FAAH2: variants seen among roughly 807,000 people sequenced by gnomAD.
The protein encoded by FAAH2 is fatty-acid amide hydrolase 2.
In FAAH2, 60 loss-of-function variants were observed where a neutral mutation model predicts 36.9. The observed-to-expected ratio is 1.63, with a 90% CI of 1.32 to 2.02. The LOEUF (loss-of-function observed/expected upper bound fraction) is 2.02, where lower values mean the gene tolerates loss of function less well. Ranked by LOEUF, FAAH2 falls within the 30% of genes most tolerant of loss-of-function variation. FAAH2 has a pLI of 0.00. For synonymous variants in FAAH2, 214 were observed against 143.8 expected (o/e 1.49, Z -3.49); for missense variants, 689 against 397.5 (o/e 1.73, Z -6.23).
chrX:57,483,416 G>A (rs1031560553), intron 10 of FAAH2, among the ~76,000 whole-genome samples: 26 of 110,233 alleles, frequency 2.4e-4, no homozygotes, highest in Non-Finnish European at 4.2e-4. Flanking sequence ...ATCCTGAATT[G>A]CCCTCATATT....
chrX:57,409,364 A>AT (rs1405009393), intron 7 of FAAH2, among the ~76,000 whole-genome samples: 1 of 111,020 alleles, frequency 9.0e-6, no homozygotes, highest in East Asian at 2.8e-4. Context: ...CTGTAATTTT[A>AT]TTTTTTATCT....
At chrX:57,135,893 T>C in the FAAH2 span, 4 of 1,209,650 alleles carry the variant, frequency 3.3e-6, no homozygotes, top group Non-Finnish European at 4.5e-6. Flanking sequence ...ACACAGAGGG[T>C]TTGGTTTCCA....
the FAAH2 span, among the ~76,000 whole-genome samples, chrX:57,272,095 C>T: frequency 9.4e-6 from 1 of 106,337 alleles, no homozygotes; most frequent in Non-Finnish European, 1.9e-5. Context: ...AGCATGAGAA[C>T]GTGAAGAATA....
chrX:57,442,196 G>T (rs936428792), intron 8 of FAAH2, among the ~76,000 whole-genome samples: 1 of 110,915 alleles, frequency 9.0e-6, no homozygotes, highest in African/African-American at 3.3e-5. Context: ...TCTGTCTAAT[G>T]TTGAGAGTGG....
intron 3 of FAAH2, among the ~76,000 whole-genome samples, chrX:57,326,149 TTGAG>T (rs2053208260): frequency 1.2e-5 from 1 of 84,077 alleles, no homozygotes; most frequent in South Asian, 7.0e-4. Flanking sequence ...TTGAGGGGTT[TTGAG>T]TGAGTTTCTT....
At chrX:57,282,568 G>A (rs1284140437), upstream of FAAH2, among the ~76,000 whole-genome samples, 1 of 112,090 alleles carries the variant, frequency 8.9e-6, no homozygotes, top group Non-Finnish European at 1.9e-5. Flanking sequence ...CAACTGTAGT[G>A]TAATATGAGT....
intron 5 of FAAH2, among the ~76,000 whole-genome samples, chrX:57,365,737 G>T (rs1457117302): frequency 8.9e-6 from 1 of 111,815 alleles, no homozygotes; most frequent in Non-Finnish European, 1.9e-5. Flanking sequence ...GCATTTCTCA[G>T]AGCTTTTGTT....
At chrX:57,395,600 C>T (rs925195533) in intron 7 of FAAH2, among the ~76,000 whole-genome samples, 4 of 111,708 alleles carry the variant, frequency 3.6e-5, no homozygotes, top group Admixed American at 2.8e-4. Flanking sequence ...TTTATCAAGT[C>T]GTTTTTCTTC....
chrX:57,381,525 C>T, intron 7 of FAAH2: 3 of 672,922 alleles, frequency 4.5e-6, no homozygotes, highest in Non-Finnish European at 5.3e-6. Flanking sequence ...TTTTAAACTA[C>T]TATTCAATGT....
At chrX:57,306,218 C>T (rs2052519388) in intron 2 of FAAH2, among the ~76,000 whole-genome samples, 1 of 111,596 alleles carries the variant, frequency 9.0e-6, no homozygotes, top group Non-Finnish European at 1.9e-5. Context: ...TGTCCTTTTC[C>T]CCAAGTAGAC....
chrX:57,393,114 T>C lies in FAAH2; in HGVS notation c.996+12085T>C, dbSNP rs185703716. 1.7e-4 allele frequency: 168 copies of C among 1,000,121 alleles called. No individual in the cohort carries two copies. In the East Asian group the frequency reaches 4.7e-3, roughly 28 times the overall value. The allele number at this position is 1,000,121 out of a possible 1,213,427, so 82.4% of individuals were successfully genotyped here. A position where few individuals can be genotyped will look rare whatever the true frequency, so the allele number is the denominator to read the frequency against. On this transcript the variant is annotated intron_variant, in intron 7 of 10. Coordinates refer to ENST00000374900, the MANE Select transcript of FAAH2 (RefSeq NM_174912.4). Reference sequence around the variant, plus strand: ...GTGCACTTCACGGCATCAAAAGCCCTCTGTTCTCTGGAAAGGCAGCCGATG... The same window carrying C: ...GTGCACTTCACGGCATCAAAAGCCCCCTGTTCTCTGGAAAGGCAGCCGATG...
intron 7 of FAAH2, among the ~76,000 whole-genome samples, chrX:57,419,369 T>A (rs1412057535): frequency 9.0e-6 from 1 of 111,315 alleles, no homozygotes; most frequent in Non-Finnish European, 1.9e-5. Context: ...CCACATCCTC[T>A]CCAGCACCTG....
chrX:57,380,986 T>A lies in FAAH2; in HGVS notation c.953T>A (p.Leu318Ter). 1 of 1,199,786 alleles carries A rather than the reference T, an allele frequency of 8.3e-7. No individual in the cohort carries two copies. Among genetic ancestry groups the A allele is most frequent in the Non-Finnish European group, 1.1e-6 (1 of 889,275 alleles). ...YWMEHDGGSF[L>*]MSKVDQDLIM... ...ATGGAACATGATGGAGGCTCATTTT[T>A]AATGTCCAAAGTGGACCAAGATCTC... Residue 318 changes from leucine (L) to a stop codon, truncating the protein, a stop_gained, in exon 7 of 11, where the codon TTA (leucine) becomes TAA (stop). Coordinates refer to ENST00000374900, the MANE Select transcript of FAAH2 (RefSeq NM_174912.4). LOFTEE classifies it high-confidence loss of function.
intron 3 of FAAH2, among the ~76,000 whole-genome samples, chrX:57,329,912 C>G (rs181791563): frequency 4.5e-5 from 5 of 112,047 alleles, no homozygotes; most frequent in African/African-American, 1.6e-4. Context: ...TTCATGGACA[C>G]TTATCACTTC....
At chrX:57,122,483 A>G in the FAAH2 span, among the ~76,000 whole-genome samples, 1 of 112,417 alleles carries the variant, frequency 8.9e-6, no homozygotes, top group Non-Finnish European at 1.9e-5. Flanking sequence ...TTTGCAAAAA[A>G]ATAACTTTAT....
chrX:57,286,643 G>A (rs915362007), upstream of FAAH2: 5 of 378,582 alleles, frequency 1.3e-5, no homozygotes, highest in African/African-American at 5.3e-5. Flanking sequence ...GGAAGTCTCC[G>A]CCCCCATCTC....
At chrX:57,250,535 T>C in the FAAH2 span, among the ~76,000 whole-genome samples, 2 of 111,316 alleles carry the variant, frequency 1.8e-5, no homozygotes, top group African/African-American at 6.5e-5. Flanking sequence ...AATAGTGCGT[T>C]TGTTAGGTAA....
At chrX:57,479,799 G>C (rs772855381) in intron 10 of FAAH2, among the ~76,000 whole-genome samples, 5 of 111,253 alleles carry the variant, frequency 4.5e-5, no homozygotes, top group African/African-American at 1.6e-4. Context: ...TACTGAACCA[G>C]CCTTGCATCC....
At chrX:57,186,909 TC>T in the FAAH2 span, among the ~76,000 whole-genome samples, 1 of 111,763 alleles carries the variant, frequency 8.9e-6, no homozygotes, top group Non-Finnish European at 1.9e-5. Flanking sequence ...TCTGTTCTGT[TC>T]CATTGGTGTA....
Sources: allele counts gnomAD v4.1 joint callset (sites outside exome capture counted in the v4.1 genomes callset), GRCh38; gene constraint gnomAD v4.1.1; transcripts MANE v1.5; gene names NCBI Gene and HGNC (gene_info 2026-07-23, HGNC 2026-07-21).